FAM227A: variants seen among roughly 807,000 people sequenced by gnomAD.
FAM227A encodes the protein family with sequence similarity 227 member A.
FAM227A carries 80 observed loss-of-function variants against 74.7 expected under a neutral mutation model. The ratio of observed to expected loss-of-function variants is 1.07; its 90% CI spans 0.89 to 1.29. The LOEUF is 1.29. Among genes scored for constraint, FAM227A ranks in the 50% most tolerant of loss-of-function variants. The pLI is 0.00. For missense variants in FAM227A, 654 were observed against 683.4 expected, an observed-to-expected ratio of 0.96 and a Z score of 0.48; for synonymous variants, 237 against 241.8, an observed-to-expected ratio of 0.98 and a Z score of 0.19.
At chr22:38,655,306 G>C (rs28446978) in intron 1 of FAM227A, among the ~76,000 whole-genome samples, 7,012 of 151,884 alleles carry the variant, frequency 0.046, 272 homozygotes, top group East Asian at 0.11. Flanking sequence ...GAGTCAAGCA[G>C]ATCACCTGAG....
At chr22:38,649,859 C>T in intron 2 of FAM227A, 168 bp downstream of exon 2, 1 of 637,172 alleles carries the variant, frequency 1.6e-6, no homozygotes, top group Non-Finnish European at 2.6e-6. Flanking sequence ...CAGTGTGAAA[C>T]TCCATCTCAA....
In FAM227A at chr22:38,597,475, C is replaced by T; in HGVS notation, c.1380-119G>A. 3 of 978,052 alleles carry T rather than the reference C, an allele frequency of 3.1e-6. No homozygotes were observed. The Admixed American group carries it at 6.0e-5, about 19-fold the overall frequency. The allele number at this position is 978,052 out of a possible 1,614,324, so 60.6% of individuals were successfully genotyped here. On this transcript the variant is annotated intron_variant, in intron 14 of 16. Transcript: ENST00000535113. ...ATGGAGGACAGAACAGGGAAAATGC[C>T]CTGCGTTTCTGGATAAGATACCTGA... is the stretch of plus-strand genomic sequence containing the variant.
chr22:38,593,581 G>A (rs2090984186), intron 15 of FAM227A, among the ~76,000 whole-genome samples: 1 of 152,068 alleles, frequency 6.6e-6, no homozygotes, highest in South Asian at 2.1e-4. Flanking sequence ...GAAGCAAAGA[G>A]CCCCAAAGAG....
At position 38,591,434 on chromosome 22, in the gene FAM227A, C is replaced by T; in HGVS notation, c.1638+1G>A. 6.4e-7 allele frequency: 1 copy of T among 1,551,066 alleles called. No individual in the cohort carries two copies. Among genetic ancestry groups the T allele is most frequent in the Non-Finnish European group, 8.7e-7 (1 of 1,146,668 alleles). ...AACTCAATTTCTCTTTGGAGACTTC[C>T]CTTAGTTTTCTTGTCAGGTGATTCC... On this transcript the variant is annotated splice_donor_variant, in intron 16 of 16. Coordinates refer to ENST00000535113, the MANE Select transcript of FAM227A (RefSeq NM_001013647.2). LOFTEE classifies it high-confidence loss of function.
chr22:38,640,507 C>T (rs2092092120), intron 3 of FAM227A, among the ~76,000 whole-genome samples: 1 of 152,056 alleles, frequency 6.6e-6, no homozygotes, highest in Non-Finnish European at 1.5e-5. Flanking sequence ...CCTCCTACGC[C>T]CCTGAAAAGG....
At chr22:38,606,933 C>CT (rs748765951) in intron 12 of FAM227A, among the ~76,000 whole-genome samples, 4 of 152,196 alleles carry the variant, frequency 2.6e-5, no homozygotes, top group Non-Finnish European at 5.9e-5. Flanking sequence ...CATCCCAGCA[C>CT]TTTGAGAGGC....
At position 38,584,753 on chromosome 22, in the gene FAM227A, CTG is replaced by C. The variant is rs1300651200; in HGVS notation, c.*1370_*1371del. ...ACTGCATTCCAGCCTGGACAACAGA[CTG>C]AGAGTCTGCCTCTAAAAAATTTAAT... is the stretch of plus-strand genomic sequence containing the variant. On this transcript the variant is annotated 3_prime_UTR_variant, in exon 17 of 17. Coordinates refer to ENST00000535113, the MANE Select transcript of FAM227A (RefSeq NM_001013647.2). 2.0e-5 allele frequency: 3 copies of C among 152,076 alleles called. No individual in the cohort carries two copies. Among genetic ancestry groups the C allele is most frequent in the Admixed American group, 6.6e-5 (1 of 15,262 alleles). 9.4% of individuals were successfully genotyped at this position (152,076 alleles called of 1,614,324 possible).
At chr22:38,604,155 C>T (rs1052206888) in intron 13 of FAM227A, among the ~76,000 whole-genome samples, 4 of 151,950 alleles carry the variant, frequency 2.6e-5, no homozygotes, top group Admixed American at 6.6e-5. Context: ...GGTGAAACCC[C>T]GTCTCTATTA....
intron 4 of FAM227A, among the ~76,000 whole-genome samples, chr22:38,639,227 T>C (rs949318298): frequency 3.9e-5 from 6 of 151,956 alleles, no homozygotes; most frequent in African/African-American, 1.2e-4. Flanking sequence ...CTGGCCAACA[T>C]GGTAAAACCC....
At chr22:38,644,895 C>T (rs1380905652) in intron 3 of FAM227A, among the ~76,000 whole-genome samples, 1 of 151,598 alleles carries the variant, frequency 6.6e-6, no homozygotes, top group African/African-American at 2.4e-5. Context: ...TGAGACCAGC[C>T]TGACCAACAT....
chr22:38,628,867 A>G lies in FAM227A; in HGVS notation c.588T>C (p.Asp196=). ...TCTCATGAAATATCCACCAAAAGCT[A>G]TCCAGCCAGATGGCTCTTGGAGAAG... ...SSSSPRAIWL[D]SFWWIFHERY... The change falls in exon 7 of 17, where the codon GAT becomes GAC. Residue 196 remains aspartate, a synonymous_variant. Coordinates refer to ENST00000535113, the MANE Select transcript of FAM227A (RefSeq NM_001013647.2). 1 of 1,546,870 alleles carries G rather than the reference A, an allele frequency of 6.5e-7. No individual in the cohort carries two copies. Among genetic ancestry groups the G allele is most frequent in the Non-Finnish European group, 8.7e-7 (1 of 1,143,670 alleles).
At chr22:38,633,549 T>G (rs890142262) in intron 6 of FAM227A, among the ~76,000 whole-genome samples, 1 of 152,116 alleles carries the variant, frequency 6.6e-6, no homozygotes, top group Non-Finnish European at 1.5e-5. Context: ...TATAATATTT[T>G]TTTGTTTGTT....
chr22:38,627,051 T>C (rs1196113533), intron 8 of FAM227A, among the ~76,000 whole-genome samples: 2 of 150,072 alleles, frequency 1.3e-5, no homozygotes, highest in African/African-American at 4.9e-5. Context: ...GAGTTATGAT[T>C]GCACCACCCT....
chr22:38,617,469 GTA>G (rs1284376982), intron 11 of FAM227A, among the ~76,000 whole-genome samples: 1 of 151,938 alleles, frequency 6.6e-6, no homozygotes, highest in East Asian at 1.9e-4. Flanking sequence ...CTAATTTTTT[GTA>G]TTTTTAGTAG....
intron 11 of FAM227A, among the ~76,000 whole-genome samples, chr22:38,611,102 T>C (rs1399211286): frequency 6.6e-6 from 1 of 152,152 alleles, no homozygotes; most frequent in Non-Finnish European, 1.5e-5. Flanking sequence ...TCCCCGATGT[T>C]GTGACCAGCC....
chr22:38,591,967 G>A (rs1237947453), intron 15 of FAM227A, among the ~76,000 whole-genome samples: 2 of 131,248 alleles, frequency 1.5e-5, no homozygotes, highest in African/African-American at 5.7e-5. Flanking sequence ...TTTTTTTTTT[G>A]AGATGGAGTC....
rs2090702109 is a variant in FAM227A, at chr22:38,580,998, C to G, written c.*5127G>C. ...TTTGCCTTGTTGGCCAGGCTGGTCT[C>G]AAACTCCTGACCTCAGGTGATCTGC... On this transcript the variant is annotated 3_prime_UTR_variant, in exon 17 of 17. Coordinates refer to ENST00000535113, the MANE Select transcript of FAM227A (RefSeq NM_001013647.2). 6.6e-6 allele frequency: 1 copy of G among 152,154 alleles called. No individual in the cohort carries two copies. The highest frequency in any genetic ancestry group is 2.4e-5 in the African/African-American group (1 of 41,402). The allele number at this position is 152,154 out of a possible 1,614,324, so 9.4% of individuals were successfully genotyped here. A position where few individuals can be genotyped will look rare whatever the true frequency, so the allele number is the denominator to read the frequency against.
Position 38,582,291 on chromosome 22 carries a change from T to A in FAM227A, c.*3834A>T, listed in dbSNP as rs2090717787. On this transcript the variant is annotated 3_prime_UTR_variant, in exon 17 of 17. Coordinates refer to ENST00000535113, the MANE Select transcript of FAM227A (RefSeq NM_001013647.2). ...ATGTTCTAAAACATACATTTCATCA[T>A]CAATTCATAAGCAATTCAAAATCAG... 6.7e-7 allele frequency: 1 copy of A among 1,498,522 alleles called. No individual in the cohort carries two copies. The highest frequency in any genetic ancestry group is 1.2e-5 in the South Asian group (1 of 82,298). 92.8% of individuals were successfully genotyped at this position (1,498,522 alleles called of 1,614,324 possible). A position where few individuals can be genotyped will look rare whatever the true frequency, so the allele number is the denominator to read the frequency against.
chr22:38,635,499 G>A, intron 6 of FAM227A, among the ~76,000 whole-genome samples: 1 of 152,054 alleles, frequency 6.6e-6, no homozygotes, highest in East Asian at 1.9e-4. Context: ...CCTTCTCCAA[G>A]ACCTCCCTAC....
Sources: gnomAD v4.1 joint callset for allele counts (sites outside exome capture counted in the v4.1 genomes callset) on GRCh38, gnomAD v4.1.1 for gene constraint, MANE v1.5 for transcripts, NCBI Gene and HGNC (gene_info 2026-07-23, HGNC 2026-07-21) for gene names.